The following SHOC1 variants were observed in gnomAD, a reference collection of about 807,000 sequenced individuals.
The protein encoded by SHOC1 is protein shortage in chiasmata 1 ortholog.
Under a neutral mutation model 179.2 loss-of-function variants are expected in SHOC1, and 136 were observed. That is an observed-to-expected ratio of 0.76 (90% CI 0.66 to 0.87). SHOC1 has a LOEUF of 0.87. SHOC1 is among the 40% of genes least tolerant of loss of function. The pLI is 0.00. For missense variants in SHOC1, 1,538 were observed against 1,700.8 expected, an observed-to-expected ratio of 0.90 and a Z score of 1.68; for synonymous variants, 489 against 586.6, an observed-to-expected ratio of 0.83 and a Z score of 2.41.
In SHOC1 at chr9:111,716,381, CTTTTTTTT is replaced by C. The variant is rs34548781; in HGVS notation, c.2237-1766_2237-1759del. Among the ~76,000 whole-genome samples the C allele has an allele frequency of 5.8e-4, 39 of 67,784 alleles. No homozygotes were observed. The East Asian group carries it at 6.8e-3, about 12-fold the overall frequency. The allele number at this position is 67,784 out of a possible 152,430, so 44.5% of individuals were successfully genotyped here. On this transcript the variant is annotated intron_variant, in intron 16 of 27. Transcript: ENST00000682961. Reference sequence around the variant, plus strand: ...TAAATATTATTTCTTTCTTTTCTCCCTTTTTTTTTTTTTTTTTTTTTTTTTTGAGACGG... The same window carrying C: ...TAAATATTATTTCTTTCTTTTCTCCCTTTTTTTTTTTTTTTTTTGAGACGG...
At chr9:111,757,974 T>C (rs945852) in intron 7 of SHOC1, 110 bp downstream of exon 7, 113,705 of 581,214 alleles carry the variant, frequency 0.2, 12,006 homozygotes, top group Non-Finnish European at 0.22. Context: ...GTTCATTCCA[T>C]TATAAAATCT....
intron 24 of SHOC1, among the ~76,000 whole-genome samples, chr9:111,698,016 T>C (rs1171928540): frequency 6.6e-6 from 1 of 152,246 alleles, no homozygotes; most frequent in Non-Finnish European, 1.5e-5. Context: ...TTCATATCTG[T>C]TGCCCACTTT....
Position 111,702,185 on chromosome 9 carries a change from G to A in SHOC1, c.3009C>T (p.Ile1003=). The change falls in exon 23 of 28, where the codon ATC becomes ATT. Residue 1003 remains isoleucine (I), a synonymous_variant. Transcript: ENST00000682961. The part of the protein sequence containing the change: ...ELNYEKASDN[I]IMRLMALSLQ... ...ATGATAATGCCATCAGCCTCATAAT[G>A]ATATTGTCTGATGCCTTCTCATAAT... is the stretch of plus-strand genomic sequence containing the variant. 1 of 1,472,046 alleles carries A rather than the reference G, an allele frequency of 6.8e-7. No homozygotes were observed. 91.2% of individuals were successfully genotyped at this position (1,472,046 alleles called of 1,614,324 possible).
At chr9:111,696,781 G>T (rs1295030687) in intron 24 of SHOC1, among the ~76,000 whole-genome samples, 2 of 152,198 alleles carry the variant, frequency 1.3e-5, no homozygotes, top group African/African-American at 4.8e-5. Flanking sequence ...TTTACCCTGA[G>T]CTGGGAAGAG....
rs1285480108 is a variant in SHOC1 at position 111,693,879 on chromosome 9, G to A, written c.3385C>T (p.Pro1129Ser). The change falls in exon 26 of 28, where the codon CCT becomes TCT. Residue 1129 changes from proline (P) to serine (S), a missense_variant. Coordinates refer to ENST00000682961, the MANE Select transcript of SHOC1 (RefSeq NM_001378211.1). ...LVAQLMLNKGPSLHWILLATL... is the reference protein window; with the variant it reads ...LVAQLMLNKGSSLHWILLATL... ...GCTAATAATATCCAATGCAGTGAAG[G>A]TCCTTTATTTAGCATGAGCTGAGCC... The A allele has an allele frequency of 6.2e-7, 1 of 1,610,682 alleles. No individual in the cohort carries two copies. The highest frequency in any genetic ancestry group is 8.5e-7 in the Non-Finnish European group (1 of 1,177,178).
intron 12 of SHOC1, among the ~76,000 whole-genome samples, chr9:111,735,608 C>T (rs1833780281): frequency 6.6e-6 from 1 of 152,078 alleles, no homozygotes; most frequent in African/African-American, 2.4e-5. Context: ...TGGGTTGGTT[C>T]CAAGTCTTTG....
At chr9:111,726,176 G>A (rs2131429377) in intron 13 of SHOC1, among the ~76,000 whole-genome samples, 1 of 152,084 alleles carries the variant, frequency 6.6e-6, no homozygotes, top group East Asian at 1.9e-4. Context: ...ACAGAATCTG[G>A]TAAGGTAAGT....
intron 7 of SHOC1, 146 bp from the exon 8 acceptor site, chr9:111,756,624 A>C: frequency 1.6e-6 from 1 of 642,992 alleles, no homozygotes; most frequent in Non-Finnish European, 2.6e-6. Flanking sequence ...TATATACTTT[A>C]AAAAAACAGA....
intron 23 of SHOC1, among the ~76,000 whole-genome samples, chr9:111,700,980 C>A (rs547359467): frequency 3.3e-5 from 5 of 152,274 alleles, no homozygotes; most frequent in South Asian, 4.1e-4. Context: ...TAGGAGAGGA[C>A]TCTTAGAAGC....
At chr9:111,729,912 A>C (rs1564131211) in intron 12 of SHOC1, among the ~76,000 whole-genome samples, 1 of 151,042 alleles carries the variant, frequency 6.6e-6, no homozygotes, top group Non-Finnish European at 1.5e-5. Flanking sequence ...AATTGGAGTC[A>C]ATCCTCTCCA....
intron 5 of SHOC1, among the ~76,000 whole-genome samples, chr9:111,764,033 A>G (rs1236385937): frequency 6.6e-6 from 1 of 152,224 alleles, no homozygotes; most frequent in Non-Finnish European, 1.5e-5. Flanking sequence ...TATTGAATGG[A>G]AAATTCCAGA....
intron 22 of SHOC1, 102 bp downstream of exon 22, chr9:111,703,779 A>G (rs1832100938): frequency 1.8e-6 from 1 of 567,686 alleles, no homozygotes; most frequent in South Asian, 3.8e-5. Flanking sequence ...ATTTAGAAGA[A>G]ATCACTAATA....
intron 2 of SHOC1, among the ~76,000 whole-genome samples, chr9:111,790,793 G>A (rs944900075): frequency 2.6e-5 from 4 of 152,060 alleles, no homozygotes; most frequent in African/African-American, 4.8e-5. Context: ...TGATCCACCC[G>A]CCTCGGCCTC....
intron 12 of SHOC1, among the ~76,000 whole-genome samples, chr9:111,732,189 G>A (rs1200861550): frequency 1.3e-5 from 2 of 152,142 alleles, no homozygotes; most frequent in African/African-American, 4.8e-5. Context: ...CTCACACATT[G>A]CTGGTGAAAA....
intron 27 of SHOC1, among the ~76,000 whole-genome samples, chr9:111,690,503 CA>C (rs1421306257): frequency 4.6e-5 from 7 of 152,212 alleles, no homozygotes; most frequent in Middle Eastern, 3.4e-3. Flanking sequence ...AATCACCCCT[CA>C]AAAACCAGTT....
At position 111,738,513 on chromosome 9, in the gene SHOC1, A is replaced by C; in HGVS notation, c.1184T>G (p.Ile395Ser). 6.4e-7 allele frequency: 1 copy of C among 1,551,508 alleles called. No individual in the cohort carries two copies. The highest frequency in any genetic ancestry group is 1.2e-5 in the South Asian group (1 of 81,090). ...TGAATATTGGCTGTGGGGCTCTTGA[A>C]TTCTTGGCACTTAAAAAAAAATAAA... Reference protein sequence around the residue: ...LNPFLLTVPRIQEPHSQYSVT... With the variant: ...LNPFLLTVPRSQEPHSQYSVT... The change falls in exon 12 of 28, where the codon ATT becomes AGT. Residue 395 changes from isoleucine (I) to serine (S), a missense_variant. Transcript: ENST00000682961.
intron 8 of SHOC1, among the ~76,000 whole-genome samples, chr9:111,753,618 T>C (rs1834707014): frequency 6.6e-6 from 1 of 152,160 alleles, no homozygotes; most frequent in African/African-American, 2.4e-5. Flanking sequence ...CATGATCAAG[T>C]GAGATTTTTT....
intron 5 of SHOC1, among the ~76,000 whole-genome samples, chr9:111,768,011 T>A (rs1835421223): frequency 1.3e-5 from 2 of 152,124 alleles, no homozygotes; most frequent in South Asian, 2.1e-4. Context: ...TTCATGAGTA[T>A]GAAATATTAT....
At chr9:111,739,236 A>C (rs971361041) in intron 11 of SHOC1, among the ~76,000 whole-genome samples, 1 of 152,134 alleles carries the variant, frequency 6.6e-6, no homozygotes, top group Non-Finnish European at 1.5e-5. Context: ...CTTTCTTTAC[A>C]TGCATTATTC....
Sources: gnomAD v4.1 joint callset for allele counts (sites outside exome capture counted in the v4.1 genomes callset) on GRCh38, gnomAD v4.1.1 for gene constraint, MANE v1.5 for transcripts, NCBI Gene and HGNC (gene_info 2026-07-23, HGNC 2026-07-21) for gene names.